The following ARMH3 variants were observed in gnomAD, a reference collection of about 807,000 sequenced individuals.
The protein encoded by ARMH3 is armadillo like helical domain containing 3, also known as armadillo-like helical domain-containing protein 3.
A neutral mutation model predicts 99.1 loss-of-function variants in ARMH3; 60 were observed. That is an observed-to-expected ratio of 0.61 (90% CI 0.49 to 0.75). The LOEUF (loss-of-function observed/expected upper bound fraction) is 0.75. ARMH3 is among the 30% of genes least tolerant of loss of function. The probability of loss-of-function intolerance (pLI) is 0.00; values close to 1 mark genes in which losing one functional copy is unlikely to be tolerated. For synonymous variants in ARMH3, 285 were observed against 292.8 expected, an observed-to-expected ratio of 0.97 and a Z score of 0.27; for missense variants, 679 against 843.1, an observed-to-expected ratio of 0.81 and a Z score of 2.41.
intron 24 of ARMH3, among the ~76,000 whole-genome samples, chr10:101,873,579 T>G (rs917004000): frequency 2.6e-5 from 4 of 152,222 alleles, no homozygotes; most frequent in African/African-American, 9.7e-5. Flanking sequence ...ATTACCATGA[T>G]CTAAGTTTAA....
At chr10:101,956,791 C>T (rs2135809275) in intron 21 of ARMH3, 68 bp from the exon 22 acceptor site, 1 of 1,512,536 alleles carries the variant, frequency 6.6e-7, no homozygotes, top group Non-Finnish European at 9.0e-7. Flanking sequence ...CAGTGGTATG[C>T]TGTAGCCAGC....
At chr10:101,976,383 A>ATCTCTCTCTC (rs542700143) in intron 19 of ARMH3, among the ~76,000 whole-genome samples, 17 of 131,446 alleles carry the variant, frequency 1.3e-4, no homozygotes, top group Non-Finnish European at 2.1e-4. Flanking sequence ...AGATTAATCA[A>ATCTCTCTCTC]TCTCTCTCTC....
intron 20 of ARMH3, among the ~76,000 whole-genome samples, chr10:101,973,587 C>T (rs1845866607): frequency 1.3e-5 from 2 of 151,608 alleles, no homozygotes; most frequent in East Asian, 3.9e-4. Context: ...CAGACCAGAA[C>T]GAAGAATAGA....
intron 23 of ARMH3, among the ~76,000 whole-genome samples, chr10:101,894,850 G>A (rs1479006524): frequency 1.4e-5 from 2 of 142,102 alleles, no homozygotes; most frequent in Admixed American, 1.5e-4. Flanking sequence ...TCCAGCCTGG[G>A]CAAAAGAGCG....
chr10:101,934,270 A>C (rs1456632025), intron 23 of ARMH3, among the ~76,000 whole-genome samples: 1 of 152,186 alleles, frequency 6.6e-6, no homozygotes, highest in Non-Finnish European at 1.5e-5. Flanking sequence ...GTATGAGGGG[A>C]AGAGTGTTTT....
At chr10:101,904,491 C>A (rs1262581581) in intron 23 of ARMH3, among the ~76,000 whole-genome samples, 1 of 152,018 alleles carries the variant, frequency 6.6e-6, no homozygotes, top group Non-Finnish European at 1.5e-5. Flanking sequence ...TGACTTGTTA[C>A]TTAAAAAAAG....
chr10:101,876,269 C>A (rs774849310), intron 24 of ARMH3, among the ~76,000 whole-genome samples: 1,803 of 76,950 alleles, frequency 0.023, 24 homozygotes, highest in Middle Eastern at 0.089. Flanking sequence ...AAAAAAAAAA[C>A]AACTTATTTT....
chr10:102,009,437 G>A lies in ARMH3; in HGVS notation c.891C>T (p.Ala297=). The A allele has an allele frequency of 6.2e-7, 1 of 1,613,830 alleles. No homozygotes were observed. The highest frequency in any genetic ancestry group is 8.5e-7 in the Non-Finnish European group (1 of 1,179,778). ...CAGCTTCATAAAGTGCCAGAAGAAT[G>A]GCCTCATTGGTTCTAAAGAAAAAGA... ...HEKISVQTNE[A]ILLALYEAVH... The change falls in exon 13 of 26, where the codon GCC becomes GCT. Residue 297 remains alanine, a synonymous_variant. Coordinates refer to ENST00000370033, the MANE Select transcript of ARMH3 (RefSeq NM_024541.3).
At chr10:101,985,223 T>C (rs1218006470) in intron 19 of ARMH3, among the ~76,000 whole-genome samples, 1 of 148,548 alleles carries the variant, frequency 6.7e-6, no homozygotes, top group East Asian at 1.9e-4. Context: ...TGTATATATA[T>C]ACGTATATAC....
In ARMH3 at chr10:101,956,694, T is replaced by A. The variant is rs1193974807; in HGVS notation, c.1608A>T (p.Thr536=). 2 of 1,613,400 alleles carry A rather than the reference T, an allele frequency of 1.2e-6. No homozygotes were observed. Among genetic ancestry groups the A allele is most frequent in the African/African-American group, 2.7e-5 (2 of 74,886 alleles). ...MIVNLFNMFI[T]YGDTFLPTPS... is the part of the protein sequence containing the mutation. ...GGGTTGGCAGAAATGTGTCGCCATA[T>A]GTGATAAACATATTAAATAGGTTCA... Residue 536 remains threonine (T), a synonymous_variant, in exon 22 of 26, where the codon ACA becomes ACT. Transcript: ENST00000370033.
intron 1 of ARMH3, among the ~76,000 whole-genome samples, chr10:102,050,779 C>T (rs2067682995): frequency 6.6e-6 from 1 of 151,438 alleles, no homozygotes; most frequent in South Asian, 2.1e-4. Context: ...ATTGCTTGAA[C>T]CTGGGAGGTA....
intron 24 of ARMH3, among the ~76,000 whole-genome samples, chr10:101,852,122 C>T (rs1286157294): frequency 6.6e-6 from 1 of 152,214 alleles, no homozygotes; most frequent in African/African-American, 2.4e-5. Context: ...CTCAGCAATG[C>T]TTAAGACCCA....
At chr10:102,049,753 C>T (rs2067650179) in intron 1 of ARMH3, among the ~76,000 whole-genome samples, 2 of 151,752 alleles carry the variant, frequency 1.3e-5, no homozygotes, top group East Asian at 3.9e-4. Context: ...GATTGAGTTT[C>T]ACCATGTTGC....
At chr10:101,891,383 T>C (rs2067687985) in intron 23 of ARMH3, among the ~76,000 whole-genome samples, 1 of 152,124 alleles carries the variant, frequency 6.6e-6, no homozygotes. Context: ...TTAATAGAGA[T>C]GGGGTTTCAC....
intron 24 of ARMH3, among the ~76,000 whole-genome samples, chr10:101,866,495 AAAAG>A (rs1390877313): frequency 8.6e-5 from 13 of 151,740 alleles, no homozygotes; most frequent in Non-Finnish European, 1.5e-4. Flanking sequence ...AAAAAAAAAA[AAAAG>A]AAAAGAAAAG....
intron 8 of ARMH3, among the ~76,000 whole-genome samples, chr10:102,017,279 A>G (rs762473858): frequency 1.3e-4 from 20 of 152,238 alleles, no homozygotes; most frequent in Non-Finnish European, 2.8e-4. Flanking sequence ...TGAATGATTT[A>G]TATCAAAAGC....
At chr10:102,051,800 G>T (rs1397861463) in intron 1 of ARMH3, among the ~76,000 whole-genome samples, 1 of 152,116 alleles carries the variant, frequency 6.6e-6, no homozygotes, top group South Asian at 2.1e-4. Flanking sequence ...AATTTAATCT[G>T]GTCCCATCAG....
intron 24 of ARMH3, among the ~76,000 whole-genome samples, chr10:101,883,549 C>T (rs2135418512): frequency 6.6e-6 from 1 of 152,236 alleles, no homozygotes; most frequent in South Asian, 2.1e-4. Flanking sequence ...GTAGCATTGC[C>T]TCATCAAGAC....
intron 5 of ARMH3, among the ~76,000 whole-genome samples, chr10:102,027,411 T>G (rs977998494): frequency 6.6e-6 from 1 of 151,936 alleles, no homozygotes; most frequent in African/African-American, 2.4e-5. Flanking sequence ...TTAGCTGAAC[T>G]TGGTGATCAT....
Sources: gnomAD v4.1 joint callset for allele counts (sites outside exome capture counted in the v4.1 genomes callset) on GRCh38, gnomAD v4.1.1 for gene constraint, MANE v1.5 for transcripts, NCBI Gene and HGNC (gene_info 2026-07-23, HGNC 2026-07-21) for gene names.